The following RABEP2 variants were observed in gnomAD, a reference collection of about 807,000 sequenced individuals.
RABEP2 encodes the protein rabaptin, RAB GTPase binding effector protein 2.
In RABEP2, 57 loss-of-function variants were observed where a neutral mutation model predicts 74.1. The ratio of observed to expected loss-of-function variants is 0.77; its 90% CI spans 0.62 to 0.96. RABEP2 has a LOEUF of 0.96. RABEP2 is among the 40% of genes least tolerant of loss of function. The pLI, the probability that RABEP2 is intolerant of heterozygous loss-of-function variation, is 0.00. For synonymous variants in RABEP2, 351 were observed against 344.0 expected (o/e 1.02, Z -0.23); for missense variants, 692 against 756.3 (o/e 0.91, Z 1.00).
chr16:28,909,851 C>T (rs943218096), intron 7 of RABEP2, among the ~76,000 whole-genome samples: 17 of 151,420 alleles, frequency 1.1e-4, no homozygotes, highest in Non-Finnish European at 2.2e-4. Context: ...GGTGAAACCC[C>T]GTCTCTACTA....
At chr16:28,907,055 C>T (rs538915912) in intron 8 of RABEP2, among the ~76,000 whole-genome samples, 56 of 152,080 alleles carry the variant, frequency 3.7e-4, no homozygotes, top group South Asian at 3.3e-3. Flanking sequence ...CACCGAAGAC[C>T]GCAAGGGCAA....
chr16:28,924,256 C>T, intron 2 of RABEP2, 147 bp downstream of exon 2: 2 of 713,728 alleles, frequency 2.8e-6, no homozygotes, highest in Admixed American at 2.8e-5. Flanking sequence ...TTTAAAAGGG[C>T]GGCCCTTCCT....
intron 2 of RABEP2, among the ~76,000 whole-genome samples, chr16:28,922,808 C>T (rs748821049): frequency 7.3e-5 from 11 of 150,404 alleles, no homozygotes; most frequent in African/African-American, 2.5e-4. Flanking sequence ...GAAGGAGAAT[C>T]GCTTGAACCC....
intron 8 of RABEP2, among the ~76,000 whole-genome samples, 199 bp from the exon 9 acceptor site, chr16:28,906,395 GAC>G (rs1485227918): frequency 6.6e-6 from 1 of 152,200 alleles, no homozygotes; most frequent in Admixed American, 6.5e-5. Flanking sequence ...GGAAGCTCAG[GAC>G]ACACGACCAT....
intron 8 of RABEP2, among the ~76,000 whole-genome samples, chr16:28,907,058 A>G (rs1333322418): frequency 2.6e-5 from 4 of 152,114 alleles, no homozygotes; most frequent in Non-Finnish European, 5.9e-5. Flanking sequence ...CGAAGACCGC[A>G]AGGGCAAAGC....
chr16:28,925,134 G>T lies in RABEP2; in HGVS notation c.30C>A (p.Asp10Glu). 2 of 1,533,868 alleles carry T rather than the reference G, an allele frequency of 1.3e-6. No individual in the cohort carries two copies. Among genetic ancestry groups the T allele is most frequent in the South Asian group, 2.4e-5 (2 of 84,054 alleles). MAAAAPVAA[D>E]DDERRRRPGA... ...CCGGCCGCCGCCGCCGCTCATCGTC[G>T]TCCGCGGCCACCGGCGCAGCTGCCG... is the stretch of plus-strand genomic sequence containing the variant. Residue 10 changes from aspartate (D) to glutamate (E), a missense_variant, in exon 1 of 13, where the codon GAC (aspartate) becomes GAA (glutamate). Physicochemically the swap from Asp to Glu is conservative, Grantham distance 45. Transcript: ENST00000358201.
rs1596691950 is a variant in RABEP2 at position 28,904,788 on chromosome 16, G to A, written c.*155C>T. 1.0e-5 allele frequency: 7 copies of A among 679,106 alleles called. No individual in the cohort carries two copies. The highest frequency in any genetic ancestry group is 2.9e-5 in the Admixed American group (1 of 33,962). 42.1% of individuals were successfully genotyped at this position (679,106 alleles called of 1,614,324 possible). On this transcript the variant is annotated 3_prime_UTR_variant, in exon 13 of 13. Coordinates refer to ENST00000358201, the MANE Select transcript of RABEP2 (RefSeq NM_024816.3). Reference sequence around the variant, plus strand: ...AGGCCCAGCCACCCTGGGAGGAGGCGCTGGAGGGCGGGGCGGTGGTGGCCC... The same window carrying A: ...AGGCCCAGCCACCCTGGGAGGAGGCACTGGAGGGCGGGGCGGTGGTGGCCC...
chr16:28,920,336 A>G (rs1333707433), intron 2 of RABEP2, among the ~76,000 whole-genome samples: 2 of 150,882 alleles, frequency 1.3e-5, no homozygotes, highest in African/African-American at 4.9e-5. Context: ...AACAGTCAAT[A>G]TTTAAGAACG....
intron 5 of RABEP2, among the ~76,000 whole-genome samples, chr16:28,911,506 A>G (rs1964313941): frequency 6.6e-6 from 1 of 152,090 alleles, no homozygotes; most frequent in African/African-American, 2.4e-5. Flanking sequence ...TACTAAAAAT[A>G]CAAAAAATTA....
chr16:28,918,029 C>G (rs1964417056), intron 3 of RABEP2: 2 of 144,688 alleles, frequency 1.4e-5, no homozygotes, highest in South Asian at 4.5e-4. Context: ...AAAGATGAAG[C>G]GTTTGATAAT....
Position 28,925,143 on chromosome 16 carries a change from C to T in RABEP2, c.21G>A (p.Val7=), listed in dbSNP as rs1185121171. 1.3e-6 allele frequency: 2 copies of T among 1,533,066 alleles called. No individual in the cohort carries two copies. Among genetic ancestry groups the T allele is most frequent in the Admixed American group, 2.0e-5 (1 of 50,662 alleles). 95.0% of individuals were successfully genotyped at this position (1,533,066 alleles called of 1,614,324 possible). Residue 7 remains valine (V), a synonymous_variant, in exon 1 of 13, where the codon GTG becomes GTA. Transcript: ENST00000358201. ...GCCGCCGCTCATCGTCGTCCGCGGCCACCGGCGCAGCTGCCGCCATTGCCT... is the reference window on the plus strand; with the variant it reads ...GCCGCCGCTCATCGTCGTCCGCGGCTACCGGCGCAGCTGCCGCCATTGCCT... MAAAAP[V]AADDDERRRR...
Position 28,914,305 on chromosome 16 carries a change from C to T in RABEP2, c.825G>A (p.Glu275=). The change falls in exon 5 of 13, where the codon GAG becomes GAA. Residue 275 remains glutamate, a synonymous_variant. Coordinates refer to ENST00000358201, the MANE Select transcript of RABEP2 (RefSeq NM_024816.3). ...SLVSTGTLVP[E]GIYLPPPGYQ... ...AGCCAGGAGGGGGCAGGTAGATGCCCTCGGGAACCAGGGTGCCCGTAGACA... is the reference window on the plus strand; with the variant it reads ...AGCCAGGAGGGGGCAGGTAGATGCCTTCGGGAACCAGGGTGCCCGTAGACA... 2 of 1,612,968 alleles carry T rather than the reference C, an allele frequency of 1.2e-6. No individual in the cohort carries two copies. The highest frequency in any genetic ancestry group is 1.7e-6 in the Non-Finnish European group (2 of 1,179,962).
rs776991227 is a variant in RABEP2, at chr16:28,924,902, C to T, written c.61+201G>A. The T allele has an allele frequency of 1.5e-4, 120 of 796,480 alleles. 1 individual carries two copies. The African/African-American group carries it at 1.6e-3, about 11-fold the overall frequency. The allele number at this position is 796,480 out of a possible 1,614,324, so 49.3% of individuals were successfully genotyped here. On this transcript the variant is annotated intron_variant, in intron 1 of 12. Transcript: ENST00000358201. Reference sequence around the variant, plus strand: ...GCCCCTTCCTCACCGGGCCCCACTTCGCACCTGTCACTGGCCCTACCCCTT... The same window carrying T: ...GCCCCTTCCTCACCGGGCCCCACTTTGCACCTGTCACTGGCCCTACCCCTT...
chr16:28,905,987 C>G (rs1473633971), intron 9 of RABEP2, 32 bp downstream of exon 9: 2 of 1,610,392 alleles, frequency 1.2e-6, no homozygotes, highest in Admixed American at 1.7e-5. Flanking sequence ...GGCCCTGGGC[C>G]CGGGGCTGGG....
intron 2 of RABEP2, 126 bp from the exon 3 acceptor site, chr16:28,920,069 G>C: frequency 8.8e-7 from 1 of 1,138,038 alleles, no homozygotes; most frequent in African/African-American, 1.6e-5. Context: ...AGTTGCCATG[G>C]CAGGCTTTGC....
At chr16:28,912,406 CTTTTTTTTT>C (rs58094012) in intron 5 of RABEP2, among the ~76,000 whole-genome samples, 2 of 118,150 alleles carry the variant, frequency 1.7e-5, no homozygotes, top group African/African-American at 3.6e-5. Flanking sequence ...TTCTTTCTTT[CTTTTTTTTT>C]TTTTTTTTTT....
At chr16:28,925,009 C>T (rs1964516153) in intron 1 of RABEP2, 94 bp downstream of exon 1, 2 of 1,355,068 alleles carry the variant, frequency 1.5e-6, no homozygotes, top group Non-Finnish European at 2.0e-6. Context: ...CCCCTTCCTC[C>T]ATCATCCCTC....
intron 8 of RABEP2, among the ~76,000 whole-genome samples, chr16:28,907,716 C>T (rs117100249): frequency 0.011 from 1,718 of 152,296 alleles, 18 homozygotes; most frequent in Non-Finnish European, 0.018. Context: ...TGGCTCACTG[C>T]AACTTCTGGC....
intron 5 of RABEP2, among the ~76,000 whole-genome samples, chr16:28,912,964 T>A (rs1354463731): frequency 2.0e-5 from 3 of 151,904 alleles, no homozygotes; most frequent in Admixed American, 6.6e-5. Context: ...TTTTTTCTCT[T>A]TTTTTTTGAG....
Sources: allele counts gnomAD v4.1 joint callset (sites outside exome capture counted in the v4.1 genomes callset), GRCh38; gene constraint gnomAD v4.1.1; transcripts MANE v1.5; gene names NCBI Gene and HGNC (gene_info 2026-07-23, HGNC 2026-07-21).